The following ARHGAP42 variants were observed in gnomAD, a reference collection of about 807,000 sequenced individuals.
The protein encoded by ARHGAP42 is Rho GTPase activating protein 42.
ARHGAP42 carries 63 observed loss-of-function variants against 125.0 expected under a neutral mutation model. The observed-to-expected ratio is 0.50, with a 90% CI of 0.41 to 0.62. ARHGAP42 has a LOEUF of 0.62. ARHGAP42 is among the 20% of genes least tolerant of loss of function. The pLI is 0.00. For missense variants in ARHGAP42, 766 were observed against 1,024.2 expected (o/e 0.75, Z 3.44); for synonymous variants, 339 against 351.0 (o/e 0.97, Z 0.38).
chr11:100,792,892 A>G (rs58232316), intron 2 of ARHGAP42, among the ~76,000 whole-genome samples: 7,737 of 151,822 alleles, frequency 0.051, 257 homozygotes, highest in East Asian at 0.18. Flanking sequence ...AGCTGGGACT[A>G]CAGGTGCCCG....
At chr11:100,733,933 T>G (rs1454561036) in intron 1 of ARHGAP42, among the ~76,000 whole-genome samples, 3 of 147,256 alleles carry the variant, frequency 2.0e-5, no homozygotes, top group South Asian at 4.4e-4. Flanking sequence ...CAAAGTTGTT[T>G]TTTTTTTTTT....
At chr11:100,875,735 G>A (rs760319503) in intron 4 of ARHGAP42, among the ~76,000 whole-genome samples, 2 of 147,688 alleles carry the variant, frequency 1.4e-5, no homozygotes, top group African/African-American at 5.1e-5. Context: ...GGGTGTGGCA[G>A]AGGGACATGG....
chr11:100,935,669 C>CAT (rs1867717822), intron 7 of ARHGAP42, among the ~76,000 whole-genome samples: 1 of 115,852 alleles, frequency 8.6e-6, no homozygotes, highest in African/African-American at 4.1e-5. Context: ...CACACACACA[C>CAT]ACACACACAG....
At chr11:100,984,835 C>T (rs1227293967) in intron 22 of ARHGAP42, among the ~76,000 whole-genome samples, 1 of 151,964 alleles carries the variant, frequency 6.6e-6, no homozygotes, top group Non-Finnish European at 1.5e-5. Flanking sequence ...TTTTCACATC[C>T]TCTTCAATAC....
At chr11:100,797,676 T>C (rs906959934) in intron 3 of ARHGAP42, among the ~76,000 whole-genome samples, 5 of 152,144 alleles carry the variant, frequency 3.3e-5, no homozygotes, top group African/African-American at 9.7e-5. Flanking sequence ...AGAGCTATGA[T>C]GGAGATGTGC....
At chr11:100,917,389 C>T (rs1394763043) in intron 5 of ARHGAP42, among the ~76,000 whole-genome samples, 1 of 152,110 alleles carries the variant, frequency 6.6e-6, no homozygotes, top group Non-Finnish European at 1.5e-5. Context: ...GAACATCTCT[C>T]AAGGGATGAT....
intron 2 of ARHGAP42, among the ~76,000 whole-genome samples, chr11:100,781,028 A>G (rs1863298773): frequency 6.6e-6 from 1 of 152,154 alleles, no homozygotes; most frequent in African/African-American, 2.4e-5. Flanking sequence ...TCATTTCTCA[A>G]AGTTCAGCCC....
chr11:100,893,220 A>G (rs941449011), intron 4 of ARHGAP42, among the ~76,000 whole-genome samples: 7 of 145,834 alleles, frequency 4.8e-5, no homozygotes, highest in Admixed American at 2.1e-4. Flanking sequence ...GGCTTTTTTG[A>G]GTCTCAGTGT....
At chr11:100,704,621 A>T (rs1861449246) in intron 1 of ARHGAP42, among the ~76,000 whole-genome samples, 1 of 151,700 alleles carries the variant, frequency 6.6e-6, no homozygotes. Context: ...GGATGAGAGG[A>T]TGAAACAAGG....
intron 5 of ARHGAP42, among the ~76,000 whole-genome samples, chr11:100,917,491 C>T (rs1299498133): frequency 6.6e-6 from 1 of 152,072 alleles, no homozygotes; most frequent in Non-Finnish European, 1.5e-5. Context: ...AATCTTGCAC[C>T]TCACCCTCTT....
rs200589602 is a variant in ARHGAP42, at chr11:100,962,836, A to G, written c.1444+369A>G. Among the ~76,000 whole-genome samples the G allele has an allele frequency of 5.6e-4, 86 of 152,278 alleles. 2 individuals are homozygous for G. The highest frequency in any genetic ancestry group is 4.1e-3 in the East Asian group (21 of 5,172). On this transcript the variant is annotated intron_variant, in intron 16 of 23. Coordinates refer to ENST00000298815, the MANE Select transcript of ARHGAP42 (RefSeq NM_152432.4). ...GGTTATGGTGAGTCGAGATCGCGCC[A>G]TTGCACTCCAGCCTGGGCAACAAGA...
At chr11:100,817,378 C>G (rs1416718505) in intron 3 of ARHGAP42, among the ~76,000 whole-genome samples, 1 of 152,158 alleles carries the variant, frequency 6.6e-6, no homozygotes, top group Non-Finnish European at 1.5e-5. Context: ...TTAACATTAT[C>G]TGACTTATAA....
chr11:100,921,448 C>A, intron 5 of ARHGAP42, 46 bp from the exon 6 acceptor site: 1 of 1,362,416 alleles, frequency 7.3e-7, no homozygotes, highest in Non-Finnish European at 1.0e-6. Context: ...TTGAGTCCCT[C>A]TCTATGTAGA....
chr11:100,880,164 C>A (rs1591263482), intron 4 of ARHGAP42, among the ~76,000 whole-genome samples: 1 of 152,072 alleles, frequency 6.6e-6, no homozygotes. Flanking sequence ...TGAGTAAGTT[C>A]TTTAGTGGTG....
At chr11:100,946,421 C>T (rs1565288903) in intron 10 of ARHGAP42, among the ~76,000 whole-genome samples, 1 of 151,992 alleles carries the variant, frequency 6.6e-6, no homozygotes, top group South Asian at 2.1e-4. Flanking sequence ...CACAAGAGAC[C>T]TAGTTTTTAG....
intron 18 of ARHGAP42, among the ~76,000 whole-genome samples, chr11:100,974,017 G>T (rs1340163647): frequency 6.6e-6 from 1 of 152,122 alleles, no homozygotes; most frequent in Non-Finnish European, 1.5e-5. Context: ...CTGTAGCTCT[G>T]CACATACCTT....
intron 1 of ARHGAP42, among the ~76,000 whole-genome samples, chr11:100,770,063 C>T (rs17095436): frequency 0.036 from 5,514 of 152,180 alleles, 97 homozygotes; most frequent in African/African-American, 0.066. Flanking sequence ...AAACTGACTT[C>T]CAGATAATAC....
chr11:100,810,805 A>G (rs1475314780), intron 3 of ARHGAP42, among the ~76,000 whole-genome samples: 2 of 152,224 alleles, frequency 1.3e-5, no homozygotes, highest in African/African-American at 2.4e-5. Flanking sequence ...GGGAAAGTCT[A>G]GGTCCTAATT....
chr11:100,735,463 T>G (rs1212548484), intron 1 of ARHGAP42, among the ~76,000 whole-genome samples: 2 of 152,180 alleles, frequency 1.3e-5, no homozygotes, highest in South Asian at 2.1e-4. Context: ...TAAAAAAGAA[T>G]AGGAAATAGG....
Sources: gnomAD v4.1 joint callset for allele counts (sites outside exome capture counted in the v4.1 genomes callset) on GRCh38, gnomAD v4.1.1 for gene constraint, MANE v1.5 for transcripts, NCBI Gene and HGNC (gene_info 2026-07-23, HGNC 2026-07-21) for gene names.